PTPRO: variants seen among roughly 807,000 people sequenced by gnomAD.
The protein encoded by PTPRO is receptor-type tyrosine-protein phosphatase O.
A neutral mutation model predicts 145.2 loss-of-function variants in PTPRO; 62 were observed. The observed-to-expected ratio is 0.43, with a 90% CI of 0.35 to 0.53. The LOEUF (loss-of-function observed/expected upper bound fraction) is 0.53, where lower values mean the gene tolerates loss of function less well. PTPRO is among the 20% of genes least tolerant of loss of function. The pLI is 0.01. For synonymous variants in PTPRO, 565 were observed against 514.7 expected (o/e 1.10, Z -1.32); for missense variants, 1,345 against 1,482.7 (o/e 0.91, Z 1.53).
chr12:15,577,207 AAG>A (rs1448010028), intron 19 of PTPRO, among the ~76,000 whole-genome samples: 1 of 152,218 alleles, frequency 6.6e-6, no homozygotes, highest in Non-Finnish European at 1.5e-5. Flanking sequence ...ACTTAGTCCA[AAG>A]AACTTCAGAT....
chr12:15,391,196 C>A (rs1320670122), intron 1 of PTPRO, among the ~76,000 whole-genome samples: 1 of 152,162 alleles, frequency 6.6e-6, no homozygotes, highest in Non-Finnish European at 1.5e-5. Context: ...CCATTCAGAT[C>A]CAAAATGCCT....
chr12:15,580,016 T>G (rs1944275207), intron 20 of PTPRO, 23 bp from the exon 21 acceptor site: 1 of 1,600,228 alleles, frequency 6.2e-7, no homozygotes, highest in Non-Finnish European at 8.6e-7. Context: ...ATTTTAATAT[T>G]TTTTTCTCCT....
intron 1 of PTPRO, among the ~76,000 whole-genome samples, chr12:15,331,925 TG>T (rs1480917769): frequency 6.6e-6 from 1 of 152,032 alleles, no homozygotes; most frequent in Non-Finnish European, 1.5e-5. Flanking sequence ...TTTTCAAACT[TG>T]TTTGATTATA....
At chr12:15,411,867 A>ATAT (rs1434816581) in intron 1 of PTPRO, among the ~76,000 whole-genome samples, 1 of 152,252 alleles carries the variant, frequency 6.6e-6, no homozygotes, top group African/African-American at 2.4e-5. Flanking sequence ...TATCACAGTG[A>ATAT]TGGCAAAATA....
intron 1 of PTPRO, among the ~76,000 whole-genome samples, chr12:15,404,321 T>C (rs1939589487): frequency 6.6e-6 from 1 of 152,182 alleles, no homozygotes; most frequent in Non-Finnish European, 1.5e-5. Context: ...CTAATTTTTA[T>C]GAGAGGAAAA....
At chr12:15,516,542 AGGGAGGGAGGGAAGAAGGAAGG>A (rs1431680750) in intron 8 of PTPRO, among the ~76,000 whole-genome samples, 199 bp from the exon 9 acceptor site, 4 of 131,984 alleles carry the variant, frequency 3.0e-5, no homozygotes, top group African/African-American at 1.1e-4. Flanking sequence ...AGATGAAAGG[AGGGAGGGAGGGAAGAAGGAAGG>A]GGGAGGGCAG....
At chr12:15,497,201 T>G (rs555785100) in intron 2 of PTPRO, 44 bp from the exon 3 acceptor site, 113 of 1,504,106 alleles carry the variant, frequency 7.5e-5, no homozygotes, top group Non-Finnish European at 1.0e-4. Context: ...GGCCTTTCTC[T>G]CTCCTCTTTC....
At chr12:15,488,674 C>A (rs1941940230) in intron 2 of PTPRO, among the ~76,000 whole-genome samples, 2 of 152,300 alleles carry the variant, frequency 1.3e-5, no homozygotes, top group Admixed American at 6.5e-5. Flanking sequence ...GGCCCCAGGG[C>A]AGTCCTTTGA....
rs140574851 is a variant in PTPRO at position 15,331,104 on chromosome 12, G to T, written c.75+8303G>T. On this transcript the variant is annotated intron_variant, in intron 1 of 26. Coordinates refer to ENST00000281171, the MANE Select transcript of PTPRO (RefSeq NM_030667.3). The stretch of plus-strand genomic sequence containing the variant: ...CCGGAAGGGGGTCTTGAGAGGCACC[G>T]ATTGTTAATTTCAGGCAAATAAGGA... 3.5e-3 allele frequency among the ~76,000 whole-genome samples: 540 copies of T among 152,160 alleles called. 7 individuals are homozygous for T. Among genetic ancestry groups the T allele is most frequent in the African/African-American group, 0.012 (508 of 41,512 alleles).
intron 2 of PTPRO, among the ~76,000 whole-genome samples, chr12:15,490,455 C>A (rs1429809357): frequency 6.6e-6 from 1 of 152,094 alleles, no homozygotes; most frequent in East Asian, 1.9e-4. Context: ...TTTATAGACA[C>A]CAAAATTTTA....
intron 23 of PTPRO, among the ~76,000 whole-genome samples, chr12:15,582,628 A>G (rs973959370): frequency 2.0e-5 from 3 of 152,216 alleles, no homozygotes; most frequent in Non-Finnish European, 4.4e-5. Context: ...TATTAATCAT[A>G]TATGAGTATA....
intron 12 of PTPRO, among the ~76,000 whole-genome samples, chr12:15,527,875 A>ACCCCCCCCCCACCCCCCC (rs1555173370): frequency 7.3e-6 from 1 of 137,646 alleles, no homozygotes; most frequent in Non-Finnish European, 1.6e-5. Context: ...GGGAACTGTG[A>ACCCCCCCCCCACCCCCCC]CCCGCCCACG....
At position 15,508,626 on chromosome 12, in the gene PTPRO, C is replaced by A. The variant is rs1050898153; in HGVS notation, c.1323C>A (p.Val441=). Residue 441 remains valine (V), a synonymous_variant, in exon 7 of 27, where the codon GTC becomes GTA. Transcript: ENST00000281171. ...ELTEKPQHVS[V]HVLSSTTALM... The stretch of plus-strand genomic sequence containing the variant: ...CCGAGAAGCCGCAGCACGTGAGTGT[C>A]CACGTTTTAAGCTCAACCACTGCCT... 1.2e-6 allele frequency: 2 copies of A among 1,614,068 alleles called. No homozygotes were observed. The highest frequency in any genetic ancestry group is 1.7e-6 in the Non-Finnish European group (2 of 1,180,002).
At chr12:15,573,787 G>T (rs1333434610) in intron 19 of PTPRO, among the ~76,000 whole-genome samples, 1 of 152,126 alleles carries the variant, frequency 6.6e-6, no homozygotes, top group Admixed American at 6.5e-5. Context: ...CAGCGTCAGG[G>T]TTTCCTCATC....
intron 2 of PTPRO, among the ~76,000 whole-genome samples, chr12:15,489,964 G>C (rs1430122500): frequency 6.6e-6 from 1 of 152,218 alleles, no homozygotes; most frequent in Admixed American, 6.5e-5. Flanking sequence ...CACACTTGAT[G>C]ACTGCAGAAA....
chr12:15,429,754 G>A (rs543781137), intron 1 of PTPRO, among the ~76,000 whole-genome samples: 3 of 152,280 alleles, frequency 2.0e-5, no homozygotes, highest in East Asian at 1.9e-4. Context: ...TGAATGCAAT[G>A]TAGAAAACAA....
chr12:15,352,420 G>A (rs556424217), intron 1 of PTPRO, among the ~76,000 whole-genome samples: 8 of 152,206 alleles, frequency 5.3e-5, no homozygotes, highest in African/African-American at 1.9e-4. Context: ...GGAGGCCAAG[G>A]TGGGCGGATC....
intron 6 of PTPRO, among the ~76,000 whole-genome samples, chr12:15,505,541 T>C (rs907238011): frequency 6.6e-6 from 1 of 152,194 alleles, no homozygotes; most frequent in African/African-American, 2.4e-5. Flanking sequence ...TAGAAAAATA[T>C]AGGCTCCTAG....
chr12:15,473,443 G>C (rs1000190021), intron 1 of PTPRO, among the ~76,000 whole-genome samples: 1 of 152,136 alleles, frequency 6.6e-6, no homozygotes, highest in African/African-American at 2.4e-5. Flanking sequence ...GTAGTGTTTG[G>C]AAGTTAGTTA....
Sources: gnomAD v4.1 joint callset for allele counts (sites outside exome capture counted in the v4.1 genomes callset) on GRCh38, gnomAD v4.1.1 for gene constraint, MANE v1.5 for transcripts, NCBI Gene and HGNC (gene_info 2026-07-23, HGNC 2026-07-21) for gene names.